The following PRMT8 variants were observed in gnomAD, a reference collection of about 807,000 sequenced individuals.
PRMT8 encodes protein arginine N-methyltransferase 8.
Under a neutral mutation model 47.1 loss-of-function variants are expected in PRMT8, and 7 were observed. The ratio of observed to expected loss-of-function variants is 0.15; its 90% CI spans 0.08 to 0.28. The LOEUF (loss-of-function observed/expected upper bound fraction) is 0.28, where lower values mean the gene tolerates loss of function less well. PRMT8 is among the 10% of genes least tolerant of loss of function. The pLI, the probability that PRMT8 is intolerant of heterozygous loss-of-function variation, is 1.00. For missense variants in PRMT8, 237 were observed against 505.4 expected (o/e 0.47, Z 5.09); for synonymous variants, 188 against 186.5 (o/e 1.01, Z -0.07).
At chr12:3,568,874 C>T (rs371403194) in intron 5 of PRMT8, 26 bp downstream of exon 5, 101 of 1,613,092 alleles carry the variant, frequency 6.3e-5, no homozygotes, top group Middle Eastern at 1.7e-4. Context: ...GCTGTCCCCG[C>T]GTTGGCCGGC....
intron 1 of PRMT8, among the ~76,000 whole-genome samples, chr12:3,395,843 G>A (rs1247028941): frequency 2.0e-5 from 3 of 152,066 alleles, no homozygotes; most frequent in South Asian, 4.2e-4. Context: ...ATGTGTGGGA[G>A]TCTAAGTCTC....
chr12:3,570,471 C>G lies in PRMT8; in HGVS notation c.712+907C>G, dbSNP rs1445573075. On this transcript the variant is annotated intron_variant, in intron 6 of 9. Coordinates refer to ENST00000382622, the MANE Select transcript of PRMT8 (RefSeq NM_019854.5). This position sits in a 1 kb window ranked among gnomAD's most constrained non-coding sequence, Gnocchi z 5.5. Reference sequence around the variant, plus strand: ...GAGGCAGAAGCTCCAACCTATCCATCAGACTGGGCACATCTGCGGTTCCTG... The same window carrying G: ...GAGGCAGAAGCTCCAACCTATCCATGAGACTGGGCACATCTGCGGTTCCTG... 6.6e-6 allele frequency among the ~76,000 whole-genome samples: 1 copy of G among 152,226 alleles called. No individual in the cohort carries two copies. The highest frequency in any genetic ancestry group is 6.5e-5 in the Admixed American group (1 of 15,288).
At chr12:3,392,874 A>T (rs1254148536) in intron 1 of PRMT8, among the ~76,000 whole-genome samples, 5 of 152,030 alleles carry the variant, frequency 3.3e-5, no homozygotes, top group East Asian at 1.9e-4. Flanking sequence ...CCAGCACTTG[A>T]TGTTTCCTGA....
intron 4 of PRMT8, among the ~76,000 whole-genome samples, chr12:3,554,120 C>A (rs1234103457): frequency 6.6e-6 from 1 of 152,210 alleles, no homozygotes; most frequent in Non-Finnish European, 1.5e-5. Flanking sequence ...CATGGCAGAC[C>A]CCAGGCTGTG....
chr12:3,526,954 A>G (rs1156452159), intron 1 of PRMT8, among the ~76,000 whole-genome samples: 1 of 152,154 alleles, frequency 6.6e-6, no homozygotes, highest in East Asian at 1.9e-4. Flanking sequence ...CTGCCTTTTA[A>G]TTGAAGTGTA....
chr12:3,447,447 G>A lies in PRMT8; in HGVS notation c.48+66005G>A, dbSNP rs527446460. ...ACTCCATGCTGGTTCTCACCTCTGGGCCTTTGCTTATGCTGTTCCCACAGC... is the reference window on the plus strand; with the variant it reads ...ACTCCATGCTGGTTCTCACCTCTGGACCTTTGCTTATGCTGTTCCCACAGC... On this transcript the variant is annotated intron_variant, in intron 1 of 9. Coordinates refer to the PRMT8 transcript ENST00000452611. Among the ~76,000 whole-genome samples the A allele has an allele frequency of 5.9e-4, 90 of 152,100 alleles. No individual in the cohort carries two copies. The Middle Eastern group carries it at 0.017, about 29-fold the overall frequency.
intron 1 of PRMT8, among the ~76,000 whole-genome samples, chr12:3,411,761 C>A (rs1281624871): frequency 6.6e-6 from 1 of 152,212 alleles, no homozygotes; most frequent in African/African-American, 2.4e-5. Flanking sequence ...GAGATCTGAG[C>A]TGGCACGCTC....
At chr12:3,462,898 C>A (rs747699023) in intron 1 of PRMT8, 2 of 152,064 alleles carry the variant, frequency 1.3e-5, no homozygotes, top group Non-Finnish European at 1.5e-5. Flanking sequence ...TGTAGCATAA[C>A]TGCAGGCGGA....
At chr12:3,427,620 T>C (rs1044778736) in intron 1 of PRMT8, among the ~76,000 whole-genome samples, 6 of 152,076 alleles carry the variant, frequency 3.9e-5, no homozygotes, top group Admixed American at 1.3e-4. Flanking sequence ...TAGTTTTACA[T>C]TCGGGAGGCC....
intron 1 of PRMT8, among the ~76,000 whole-genome samples, chr12:3,386,376 T>C (rs1001856015): frequency 3.4e-4 from 52 of 152,212 alleles, no homozygotes; most frequent in African/African-American, 1.2e-3. Flanking sequence ...TACTAAAAAG[T>C]CAAAAATTAT....
rs1591590577 is a variant in PRMT8 at position 3,535,533 on chromosome 12, T to C, written c.76-5073T>C. 2.6e-5 allele frequency among the ~76,000 whole-genome samples: 4 copies of C among 151,460 alleles called. No individual in the cohort carries two copies. In the East Asian group the frequency reaches 7.8e-4, roughly 30 times the overall value. On this transcript the variant is annotated intron_variant, in intron 1 of 9. Transcript: ENST00000382622. This position sits in a 1 kb window ranked among gnomAD's most constrained non-coding sequence, Gnocchi z 4.7. ...CTGGGCCTGGGCCTTTGGACGGAGG[T>C]GGGGAAAGAGCAAGGCAGGGTGCTT...
In PRMT8 at chr12:3,540,627, C is replaced by T. The variant is rs1565435551; in HGVS notation, c.97C>T (p.Pro33Ser). Reference sequence around the variant, plus strand: ...TCAGGTGAACAGCCCCCCCTCCCAGCCCCCCCAGCCCGTCGTCCCTGCTAA... The same window carrying T: ...TCAGGTGAACAGCCCCCCCTCCCAGTCCCCCCAGCCCGTCGTCCCTGCTAA... ...STEVNSPPSQ[P>S]PQPVVPAKPV... The change falls in exon 2 of 10, where the codon CCC becomes TCC. Residue 33 changes from proline (P) to serine (S), a missense_variant. This residue lies in a region of PRMT8 where 43 missense variants were observed against 32.4 expected (regional missense o/e 1.33). Transcript: ENST00000382622. 5 of 1,420,234 alleles carry T rather than the reference C, an allele frequency of 3.5e-6. No homozygotes were observed. The highest frequency in any genetic ancestry group is 1.4e-5 in the African/African-American group (1 of 69,850). The allele number at this position is 1,420,234 out of a possible 1,614,324, so 88.0% of individuals were successfully genotyped here. A position where few individuals can be genotyped will look rare whatever the true frequency, so the allele number is the denominator to read the frequency against.
rs190611743 is a variant in PRMT8, at chr12:3,561,843, G to C, written c.482-6863G>C. Among the ~76,000 whole-genome samples, 14 of 152,312 alleles carry C rather than the reference G, an allele frequency of 9.2e-5. No individual in the cohort carries two copies. The East Asian group carries it at 1.5e-3, about 17-fold the overall frequency. On this transcript the variant is annotated intron_variant, in intron 4 of 9. Coordinates refer to ENST00000382622, the MANE Select transcript of PRMT8 (RefSeq NM_019854.5). ...TGTGCCTTAGTTTCCTCATCTATGA[G>C]ACAGGAATTAGTGGTCATACATTCC...
chr12:3,470,656 G>T (rs1042380405), intron 1 of PRMT8, among the ~76,000 whole-genome samples: 2 of 149,766 alleles, frequency 1.3e-5, no homozygotes, highest in Non-Finnish European at 3.0e-5. Context: ...AGTGAGGCTG[G>T]CACACAGCAC....
At position 3,504,478 on chromosome 12, in the gene PRMT8, G is replaced by A. The variant is rs796745819; in HGVS notation, c.75+12778G>A. 2.2e-3 allele frequency among the ~76,000 whole-genome samples: 241 copies of A among 111,736 alleles called. 22 individuals are homozygous for A. The highest frequency in any genetic ancestry group is 4.1e-3 in the Non-Finnish European group (195 of 47,208). 73.3% of individuals were successfully genotyped at this position (111,736 alleles called of 152,430 possible). A position where few individuals can be genotyped will look rare whatever the true frequency, so the allele number is the denominator to read the frequency against. On this transcript the variant is annotated intron_variant, in intron 1 of 9. Transcript: ENST00000382622. ...ACCCTGCCGTGTGAGGTGTCAGTGT[G>A]CCCCTGGTGGGGGGTGCCTCCCAGT...
intron 1 of PRMT8, among the ~76,000 whole-genome samples, chr12:3,390,792 T>C (rs1031110875): frequency 7.2e-5 from 11 of 152,200 alleles, no homozygotes; most frequent in African/African-American, 2.7e-4. Flanking sequence ...TCATTCCTTT[T>C]GCTGTTCGTT....
rs1866549009 is a variant in PRMT8 at position 3,557,552 on chromosome 12, T to G, written c.481+3838T>G. On this transcript the variant is annotated intron_variant, in intron 4 of 9. Transcript: ENST00000382622. This position sits in a 1 kb window ranked among gnomAD's most constrained non-coding sequence, Gnocchi z 4.7. ...TCACCCAGCGGAGCTGGGTCTCTTC[T>G]GTGCCCTCCTCAGAGAAGTGCTTGA... is the stretch of plus-strand genomic sequence containing the variant. Among the ~76,000 whole-genome samples the G allele has an allele frequency of 1.3e-5, 2 of 152,236 alleles. No individual in the cohort carries two copies. The highest frequency in any genetic ancestry group is 4.1e-4 in the South Asian group (2 of 4,828).
intron 1 of PRMT8, among the ~76,000 whole-genome samples, chr12:3,386,854 C>A (rs939973573): frequency 6.6e-6 from 1 of 152,002 alleles, no homozygotes; most frequent in African/African-American, 2.4e-5. Context: ...AGATTACAGG[C>A]GCCTGCCACC....
chr12:3,407,816 T>A (rs534583900), intron 1 of PRMT8, among the ~76,000 whole-genome samples: 82 of 152,266 alleles, frequency 5.4e-4, no homozygotes, highest in Middle Eastern at 3.4e-3. Flanking sequence ...TCATTCTCTT[T>A]TCTTTTTTTC....
Sources: gnomAD v4.1 joint callset for allele counts (sites outside exome capture counted in the v4.1 genomes callset) on GRCh38, gnomAD v4.1.1 for gene constraint, gnomAD v4.1.1 regional missense constraint, Gnocchi (gnomAD v3.1) non-coding constraint, MANE v1.5 for transcripts, NCBI Gene and HGNC (gene_info 2026-07-23, HGNC 2026-07-21) for gene names.